Variants in BTRC observed in about 807,000 individuals in gnomAD.
BTRC encodes the protein F-box/WD repeat-containing protein 1A.
Under a neutral mutation model 85.5 loss-of-function variants are expected in BTRC, and 42 were observed. That is an observed-to-expected ratio of 0.49 (90% CI 0.38 to 0.64). BTRC has a LOEUF of 0.64. Among genes scored for constraint, BTRC ranks in the 30% least tolerant of loss-of-function variants. The pLI is 0.00. For synonymous variants in BTRC, 255 were observed against 263.3 expected (o/e 0.97, Z 0.30); for missense variants, 594 against 743.5 (o/e 0.80, Z 2.34).
intron 1 of BTRC, among the ~76,000 whole-genome samples, chr10:101,399,730 C>T (rs1943450179): frequency 6.6e-6 from 1 of 152,048 alleles, no homozygotes; most frequent in African/African-American, 2.4e-5. Context: ...AGATTGGTGT[C>T]TAAAGTAGGC....
chr10:101,400,144 A>G (rs560716157), intron 1 of BTRC, among the ~76,000 whole-genome samples: 1 of 152,184 alleles, frequency 6.6e-6, no homozygotes, highest in Non-Finnish European at 1.5e-5. Context: ...GGTCTTTGAA[A>G]TTGTTATTTA....
At chr10:101,472,185 G>A (rs1250213006) in intron 3 of BTRC, among the ~76,000 whole-genome samples, 1 of 152,088 alleles carries the variant, frequency 6.6e-6, no homozygotes, top group African/African-American at 2.4e-5. Flanking sequence ...ACCCCACAGG[G>A]TTTGTTCTAG....
In BTRC at chr10:101,428,439, C is replaced by G. The variant is rs558267087; in HGVS notation, c.49-1906C>G. 1.8e-4 allele frequency among the ~76,000 whole-genome samples: 27 copies of G among 152,334 alleles called. No individual in the cohort carries two copies. The South Asian group carries it at 2.3e-3, about 13-fold the overall frequency. ...TGGATCGTAGCTTGAGGTGAGGAAA[C>G]GTTGAAAACAGTGAACAAAGTTCAG... On this transcript the variant is annotated intron_variant, in intron 1 of 14. Transcript: ENST00000370187.
At chr10:101,543,286 T>C (rs1244340255) in intron 13 of BTRC, among the ~76,000 whole-genome samples, 1 of 152,254 alleles carries the variant, frequency 6.6e-6, no homozygotes, top group Non-Finnish European at 1.5e-5. Flanking sequence ...TTGATGTTTA[T>C]AGTATTCTTT....
intron 3 of BTRC, among the ~76,000 whole-genome samples, chr10:101,472,626 C>T (rs985888903): frequency 6.6e-6 from 1 of 152,126 alleles, no homozygotes; most frequent in Non-Finnish European, 1.5e-5. Context: ...ACCAGCCTGG[C>T]CAATATGGTG....
intron 4 of BTRC, among the ~76,000 whole-genome samples, chr10:101,513,258 A>T (rs1212827834): frequency 6.6e-6 from 1 of 152,226 alleles, no homozygotes; most frequent in African/African-American, 2.4e-5. Context: ...TGGATTTATC[A>T]GTAGGAATAC....
At chr10:101,487,614 A>G (rs1268437681) in intron 4 of BTRC, among the ~76,000 whole-genome samples, 4 of 152,176 alleles carry the variant, frequency 2.6e-5, no homozygotes, top group Non-Finnish European at 4.4e-5. Context: ...TCCTGATTGG[A>G]GGCGATGGGC....
chr10:101,505,262 C>A (rs1380293590), intron 4 of BTRC, among the ~76,000 whole-genome samples: 6 of 149,006 alleles, frequency 4.0e-5, no homozygotes, highest in African/African-American at 1.5e-4. Context: ...CCTCAGCCTC[C>A]CAAAGTGCTG....
At chr10:101,411,775 GCCTCT>G (rs1943786782) in intron 1 of BTRC, among the ~76,000 whole-genome samples, 1 of 129,040 alleles carries the variant, frequency 7.7e-6, no homozygotes. Flanking sequence ...CATATTTTGT[GCCTCT>G]TGTCTTGTAA....
chr10:101,550,795 G>C lies in BTRC; in HGVS notation c.1753G>C (p.Asp585His), dbSNP rs2062636880. The change falls in exon 14 of 15, where the codon GAT becomes CAT. Residue 585 changes from aspartate (D) to histidine (H), a missense_variant. Around this residue, in one of 4 missense-constraint regions of BTRC, gnomAD observed 56 missense variants for 39.6 expected, o/e 1.41. Transcript: ENST00000370187. ...AATCCTCATCTGGGACTTCCTAAAT[G>C]ATCCAGCTGCCCAAGCTGAACCCCC... is the stretch of plus-strand genomic sequence containing the variant. ...DTILIWDFLN[D>H]PAAQAEPPRS... The C allele has an allele frequency of 1.2e-6, 2 of 1,613,922 alleles. No individual in the cohort carries two copies. Among genetic ancestry groups the C allele is most frequent in the Non-Finnish European group, 1.7e-6 (2 of 1,179,968 alleles).
chr10:101,510,367 G>A (rs993698148), intron 4 of BTRC, among the ~76,000 whole-genome samples: 1 of 151,710 alleles, frequency 6.6e-6, no homozygotes, highest in Non-Finnish European at 1.5e-5. Flanking sequence ...AAATTTAGCC[G>A]AGCGTGGTGG....
intron 3 of BTRC, among the ~76,000 whole-genome samples, chr10:101,473,532 G>A (rs1945595628): frequency 7.4e-6 from 1 of 134,846 alleles, no homozygotes; most frequent in African/African-American, 2.9e-5. Flanking sequence ...GAACAGTGGT[G>A]CAATCTCAGC....
chr10:101,386,828 ATTTG>A (rs1943091592), intron 1 of BTRC, among the ~76,000 whole-genome samples: 1 of 152,088 alleles, frequency 6.6e-6, no homozygotes, highest in Non-Finnish European at 1.5e-5. Context: ...TACTTTTGTG[ATTTG>A]TTTAAGAAAG....
rs80329794 is a variant in BTRC, at chr10:101,386,528, A to G, written c.48+32300A>G. 1.3e-3 allele frequency among the ~76,000 whole-genome samples: 194 copies of G among 152,294 alleles called. 1 individual carries two copies. Among genetic ancestry groups the G allele is most frequent in the Non-Finnish European group, 2.4e-3 (164 of 68,024 alleles). ...ATCAGCAGTACACTTTGGCCAGAAA[A>G]CCTGGTTTGGATTTTATCTTATGTT... is the stretch of plus-strand genomic sequence containing the variant. On this transcript the variant is annotated intron_variant, in intron 1 of 14. Coordinates refer to ENST00000370187, the MANE Select transcript of BTRC (RefSeq NM_033637.4).
At chr10:101,454,242 T>C (rs1589488746) in intron 2 of BTRC, among the ~76,000 whole-genome samples, 1 of 152,346 alleles carries the variant, frequency 6.6e-6, no homozygotes, top group South Asian at 2.1e-4. Flanking sequence ...CAAAGACTTT[T>C]CCCAGTAATC....
chr10:101,356,238 A>G (rs1390183384), intron 1 of BTRC, among the ~76,000 whole-genome samples: 1 of 152,128 alleles, frequency 6.6e-6, no homozygotes, highest in Non-Finnish European at 1.5e-5. Flanking sequence ...TGACCTCGTG[A>G]TCCGCCCACC....
intron 1 of BTRC, among the ~76,000 whole-genome samples, chr10:101,367,524 A>G (rs1942504085): frequency 6.6e-6 from 1 of 152,208 alleles, no homozygotes; most frequent in African/African-American, 2.4e-5. Context: ...CCTAGTGAAC[A>G]CATCTTCGTA....
intron 4 of BTRC, among the ~76,000 whole-genome samples, chr10:101,504,408 C>T (rs1430436088): frequency 1.3e-5 from 2 of 151,724 alleles, no homozygotes; most frequent in East Asian, 3.9e-4. Context: ...CCCTTCCCAC[C>T]TATTTCTCAC....
At chr10:101,507,159 C>A (rs1946563335) in intron 4 of BTRC, among the ~76,000 whole-genome samples, 1 of 152,032 alleles carries the variant, frequency 6.6e-6, no homozygotes, top group Admixed American at 6.6e-5. Context: ...GGCTTTTTTC[C>A]CATTTTTTCC....
Sources: gnomAD v4.1 joint callset for allele counts (sites outside exome capture counted in the v4.1 genomes callset) on GRCh38, gnomAD v4.1.1 for gene constraint, gnomAD v4.1.1 regional missense constraint, MANE v1.5 for transcripts, NCBI Gene and HGNC (gene_info 2026-07-23, HGNC 2026-07-21) for gene names.